ENTR1: variants seen among roughly 807,000 people sequenced by gnomAD.
The protein encoded by ENTR1 is endosome-associated-trafficking regulator 1.
ENTR1 carries 47 observed loss-of-function variants against 47.9 expected under a neutral mutation model. The ratio of observed to expected loss-of-function variants is 0.98; its 90% CI spans 0.78 to 1.25. ENTR1 has a LOEUF of 1.25. ENTR1 is among the 50% of genes most tolerant of loss of function. The pLI is 0.00. For missense variants in ENTR1, 668 were observed against 570.5 expected, an observed-to-expected ratio of 1.17 and a Z score of -1.74; for synonymous variants, 290 against 245.8, an observed-to-expected ratio of 1.18 and a Z score of -1.68.
chr9:136,410,420 G>T lies in ENTR1; in HGVS notation c.-23C>A. 2 of 1,321,052 alleles carry T rather than the reference G, an allele frequency of 1.5e-6. No individual in the cohort carries two copies. The highest frequency in any genetic ancestry group is 3.3e-5 in the East Asian group (1 of 30,418). The allele number at this position is 1,321,052 out of a possible 1,614,324, so 81.8% of individuals were successfully genotyped here. A position where few individuals can be genotyped will look rare whatever the true frequency, so the allele number is the denominator to read the frequency against. On this transcript the variant is annotated 5_prime_UTR_variant, in exon 1 of 10. Transcript: ENST00000357365. ...CATCGCCGCCGGCCCGGCGGGGCAC[G>T]ACCTGCCTAGCCCGGCAGCGGCGGC...
intron 5 of ENTR1, 103 bp from the exon 6 acceptor site, chr9:136,406,081 TG>T (rs1226063744): frequency 2.6e-6 from 2 of 763,952 alleles, no homozygotes; most frequent in Non-Finnish European, 4.2e-6. Context: ...GCAGAGATGC[TG>T]GGTCAGTGCA....
At position 136,410,275 on chromosome 9, in the gene ENTR1, C is replaced by T. The variant is rs375935769; in HGVS notation, c.71-36G>A. 562 of 1,553,086 alleles carry T rather than the reference C, an allele frequency of 3.6e-4. No individual in the cohort carries two copies. In the African/African-American group the frequency reaches 6.7e-3, roughly 19 times the overall value. On this transcript the variant is annotated intron_variant, in intron 1 of 9. Coordinates refer to ENST00000357365, the MANE Select transcript of ENTR1 (RefSeq NM_001039707.2). ...CGACAACAGCGACTTTACTGCGTGC[C>T]GGGGCGGCCGCCGCCCACCTGGACC...
Position 136,405,111 on chromosome 9 carries a change from G to A in ENTR1, c.985C>T (p.Gln329Ter), listed in dbSNP as rs2131551338. The A allele has an allele frequency of 1.9e-6, 3 of 1,613,606 alleles. No individual in the cohort carries two copies. The highest frequency in any genetic ancestry group is 1.1e-5 in the South Asian group (1 of 91,068). Residue 329 changes from glutamine to a stop codon, truncating the protein, a stop_gained, in exon 7 of 10, where the codon CAG becomes TAG. Coordinates refer to ENST00000357365, the MANE Select transcript of ENTR1 (RefSeq NM_001039707.2). LOFTEE classifies it high-confidence loss of function. ...DLESVVQQVE[Q>*]NLELMTKRAV... Reference sequence around the variant, plus strand: ...CATACGGTCATCAGCTCCAGGTTCTGCTCCACCTGCTGAACCACCGACTCC... The same window carrying A: ...CATACGGTCATCAGCTCCAGGTTCTACTCCACCTGCTGAACCACCGACTCC...
Position 136,402,730 on chromosome 9 carries a change from G to C in ENTR1, c.*58C>G. ...AAGGACACAACTGCACATTTAGATC[G>C]AGCGGTGGTGACCTCAGGGTATACA... On this transcript the variant is annotated 3_prime_UTR_variant, in exon 10 of 10. Coordinates refer to ENST00000357365, the MANE Select transcript of ENTR1 (RefSeq NM_001039707.2). 1 of 1,130,842 alleles carries C rather than the reference G, an allele frequency of 8.8e-7. No homozygotes were observed. Among genetic ancestry groups the C allele is most frequent in the Non-Finnish European group, 1.3e-6 (1 of 745,946 alleles). 70.1% of individuals were successfully genotyped at this position (1,130,842 alleles called of 1,614,324 possible).
Position 136,410,493 on chromosome 9 carries a change from C to G in ENTR1, c.-96G>C, listed in dbSNP as rs1835053169. On this transcript the variant is annotated 5_prime_UTR_variant, in exon 1 of 10. Transcript: ENST00000357365. The stretch of plus-strand genomic sequence containing the variant: ...TGCCGCGGCCCGCGTCGCCCGCCCC[C>G]GTCGCCCGCCCCCGTCGCCCGCCGC... 1.0e-6 allele frequency: 1 copy of G among 957,228 alleles called. No homozygotes were observed. Among genetic ancestry groups the G allele is most frequent in the South Asian group, 4.8e-5 (1 of 20,898 alleles). The allele number at this position is 957,228 out of a possible 1,614,324, so 59.3% of individuals were successfully genotyped here. A position where few individuals can be genotyped will look rare whatever the true frequency, so the allele number is the denominator to read the frequency against.
chr9:136,407,916 T>G lies in ENTR1; in HGVS notation c.312A>C (p.Glu104Asp). The change falls in exon 4 of 10, where the codon GAA becomes GAC. Residue 104 changes from glutamate (E) to aspartate (D), a missense_variant. Physicochemically the swap from Glu to Asp is conservative, Grantham distance 45. Coordinates refer to ENST00000357365, the MANE Select transcript of ENTR1 (RefSeq NM_001039707.2). ...CTCTAAAAGAGAATGGATTTGCCTC[T>G]TCCAGATCTTCAAATCTGTCATCTG... ...HFGDDRFEDL[E>D]EANPFSFREF... The G allele has an allele frequency of 6.2e-7, 1 of 1,607,994 alleles. No homozygotes were observed.
At chr9:136,409,856 T>C (rs1564414287) in intron 2 of ENTR1, 1 of 675,486 alleles carries the variant, frequency 1.5e-6, no homozygotes, top group Non-Finnish European at 2.8e-6. Context: ...CGGGCTCCTG[T>C]GCTCCCCGGG....
intron 5 of ENTR1, among the ~76,000 whole-genome samples, chr9:136,406,487 C>CT (rs527869848): frequency 6.7e-6 from 1 of 149,070 alleles, no homozygotes; most frequent in Non-Finnish European, 1.5e-5. Flanking sequence ...AATAATTTTT[C>CT]TTTTTTTTGA....
rs1834591361 is a variant in ENTR1 at position 136,403,351 on chromosome 9, GC to G, written c.1209-465del. 6.7e-5 allele frequency among the ~76,000 whole-genome samples: 7 copies of G among 103,968 alleles called. No homozygotes were observed. The East Asian group carries it at 8.2e-4, about 12-fold the overall frequency. The allele number at this position is 103,968 out of a possible 152,430, so 68.2% of individuals were successfully genotyped here. A position where few individuals can be genotyped will look rare whatever the true frequency, so the allele number is the denominator to read the frequency against. On this transcript the variant is annotated intron_variant, in intron 9 of 9. Transcript: ENST00000357365. ...GGAGAAAGGGACAGGGTTCCAGGGAGCAAGGGGTGGGGTTTGCCGGGGGAGA... is the reference window on the plus strand; with the variant it reads ...GGAGAAAGGGACAGGGTTCCAGGGAGAAGGGGTGGGGTTTGCCGGGGGAGA...
In ENTR1 at chr9:136,402,776, A is replaced by C. The variant is rs1564403214; in HGVS notation, c.*12T>G. 6.3e-7 allele frequency: 1 copy of C among 1,589,482 alleles called. No individual in the cohort carries two copies. The highest frequency in any genetic ancestry group is 8.6e-7 in the Non-Finnish European group (1 of 1,159,006). ...ATACACGGAGCTTCATGCTGAGAAC[A>C]CCCAGGGGTCCTCAAGAGTCTTCCT... On this transcript the variant is annotated 3_prime_UTR_variant, in exon 10 of 10. Coordinates refer to ENST00000357365, the MANE Select transcript of ENTR1 (RefSeq NM_001039707.2).
At position 136,401,925 on chromosome 9, in the gene ENTR1, G is replaced by A. The variant is rs577839642; in HGVS notation, c.*863C>T. On this transcript the variant is annotated 3_prime_UTR_variant, in exon 10 of 10. Transcript: ENST00000357365. ...TAAGTCAGCAGAGAAGAGACAGTGC[G>A]GTGAACTACAGAATTTATTAAATAA... is the stretch of plus-strand genomic sequence containing the variant. 36 of 152,342 alleles carry A rather than the reference G, an allele frequency of 2.4e-4. No homozygotes were observed. Among genetic ancestry groups the A allele is most frequent in the Admixed American group, 1.9e-3 (29 of 15,296 alleles). 9.4% of individuals were successfully genotyped at this position (152,342 alleles called of 1,614,324 possible).
chr9:136,407,734 G>A, intron 4 of ENTR1, 92 bp downstream of exon 4: 1 of 1,370,442 alleles, frequency 7.3e-7, no homozygotes, highest in Non-Finnish European at 1.0e-6. Context: ...TGCCTGCTCT[G>A]CCACACTCAT....
At chr9:136,407,694 A>G (rs1676014272) in intron 4 of ENTR1, 132 bp downstream of exon 4, 7 of 1,380,018 alleles carry the variant, frequency 5.1e-6, no homozygotes, top group South Asian at 1.4e-5. Flanking sequence ...GCAGCTTCTG[A>G]GCCCAGAGCT....
At chr9:136,403,964 A>G in intron 9 of ENTR1, 91 bp downstream of exon 9, 2 of 1,427,730 alleles carry the variant, frequency 1.4e-6, no homozygotes, top group Non-Finnish European at 1.9e-6. Flanking sequence ...CCACGGTGCC[A>G]TCAGCCTGGG....
chr9:136,409,962 G>T (rs1195544250), intron 2 of ENTR1, 128 bp downstream of exon 2: 1 of 1,166,764 alleles, frequency 8.6e-7, no homozygotes, highest in Non-Finnish European at 1.3e-6. Context: ...TTTGAATTCC[G>T]AGTGCCTGGC....
Position 136,404,118 on chromosome 9 carries a change from T to C in ENTR1, c.1145A>G (p.Gln382Arg), listed in dbSNP as rs368069637. The C allele has an allele frequency of 2.5e-6, 4 of 1,613,464 alleles. No homozygotes were observed. Among genetic ancestry groups the C allele is most frequent in the Non-Finnish European group, 3.4e-6 (4 of 1,179,842 alleles). ...GQGASLTVVK[Q>R]NADVALQNLR... ...GTTCTGCAGGGCCACGTCGGCGTTC[T>C]GCTTCACCACGGTCAGGCTGGCACC... Residue 382 changes from glutamine (Q) to arginine (R), a missense_variant, in exon 9 of 10, where the codon CAG (glutamine) becomes CGG (arginine). Physicochemically the swap from Gln to Arg is conservative, Grantham distance 43. Transcript: ENST00000357365.
chr9:136,402,817 C>G lies in ENTR1; in HGVS notation c.1279G>C (p.Glu427Gln), dbSNP rs779863698. Residue 427 changes from glutamate (E) to glutamine (Q), a missense_variant, in exon 10 of 10, where the codon GAA (glutamate) becomes CAA (glutamine). Physicochemically the swap from Glu to Gln is conservative, Grantham distance 29. Coordinates refer to ENST00000357365, the MANE Select transcript of ENTR1 (RefSeq NM_001039707.2). ...EILKSIDRISEVKDEEEDS is the reference protein window; with the variant it reads ...EILKSIDRISQVKDEEEDS ...GAGTCTTCCTCCTCGTCTTTAACTT[C>G]AGAAATTCTGTCTATAGATTTAAGG... is the stretch of plus-strand genomic sequence containing the variant. 1 of 1,613,056 alleles carries G rather than the reference C, an allele frequency of 6.2e-7. No homozygotes were observed. Among genetic ancestry groups the G allele is most frequent in the African/African-American group, 1.3e-5 (1 of 74,816 alleles).
At chr9:136,408,871 C>G in intron 3 of ENTR1, 128 bp downstream of exon 3, 231 of 617,092 alleles carry the variant, frequency 3.7e-4, no homozygotes, top group Non-Finnish European at 4.7e-4. Context: ...CCCTTGAAAT[C>G]CCACCCCCAC....
intron 4 of ENTR1, 33 bp downstream of exon 4, chr9:136,407,791 CCA>C: frequency 6.6e-7 from 1 of 1,511,956 alleles, no homozygotes; most frequent in East Asian, 2.3e-5. Flanking sequence ...CAGAAACGTC[CCA>C]CAGAGCCATC....
Sources: gnomAD v4.1 joint callset for allele counts (sites outside exome capture counted in the v4.1 genomes callset) on GRCh38, gnomAD v4.1.1 for gene constraint, MANE v1.5 for transcripts, NCBI Gene and HGNC (gene_info 2026-07-23, HGNC 2026-07-21) for gene names.